The following GPC6 variants were observed in gnomAD, a reference collection of about 807,000 sequenced individuals.
The protein encoded by GPC6 is glypican 6.
Under a neutral mutation model 55.2 loss-of-function variants are expected in GPC6, and 14 were observed. The ratio of observed to expected loss-of-function variants is 0.25; its 90% CI spans 0.17 to 0.40. The LOEUF (loss-of-function observed/expected upper bound fraction) is 0.40, where lower values mean the gene tolerates loss of function less well. GPC6 is among the 10% of genes least tolerant of loss of function. The probability of loss-of-function intolerance (pLI) is 1.00; values close to 1 mark genes in which losing one functional copy is unlikely to be tolerated. For missense variants in GPC6, 641 were observed against 708.5 expected, an observed-to-expected ratio of 0.90 and a Z score of 1.08; for synonymous variants, 278 against 259.6, an observed-to-expected ratio of 1.07 and a Z score of -0.68.
At chr13:93,326,979 T>G (rs1385366869) in intron 1 of GPC6, among the ~76,000 whole-genome samples, 1 of 152,216 alleles carries the variant, frequency 6.6e-6, no homozygotes, top group Non-Finnish European at 1.5e-5. Flanking sequence ...TTTTCACTGG[T>G]TGATTGCCTC....
At chr13:94,144,189 C>T (rs1217797108) in intron 4 of GPC6, among the ~76,000 whole-genome samples, 1 of 152,046 alleles carries the variant, frequency 6.6e-6, no homozygotes, top group South Asian at 2.1e-4. Context: ...CAGCAGCAAG[C>T]AAGTACCTGT....
chr13:93,767,285 T>G (rs758895484), intron 2 of GPC6, among the ~76,000 whole-genome samples: 5 of 152,140 alleles, frequency 3.3e-5, no homozygotes, highest in South Asian at 2.1e-4. Context: ...CAACAAGTGC[T>G]CCACCAGAAA....
intron 1 of GPC6, 149 bp from the exon 2 acceptor site, chr13:93,545,114 C>A: frequency 1.4e-6 from 1 of 707,086 alleles, no homozygotes; most frequent in Non-Finnish European, 2.5e-6. Context: ...CACTGATGTG[C>A]TGTGGCCCAG....
chr13:93,868,557 G>C lies in GPC6; in HGVS notation c.711+38012G>C, dbSNP rs527860770. 1.3e-4 allele frequency among the ~76,000 whole-genome samples: 19 copies of C among 151,892 alleles called. 1 individual carries two copies. In the South Asian group the frequency reaches 3.9e-3, roughly 32 times the overall value. On this transcript the variant is annotated intron_variant, in intron 3 of 8. Transcript: ENST00000377047. ...TATTTTAACTTTGGATATTTATGGA[G>C]AAAAGGAAGGAGTTAACTGGGATAC... is the stretch of plus-strand genomic sequence containing the variant.
rs565361008 is a variant in GPC6 at position 94,067,852 on chromosome 13, C to T, written c.877+39958C>T. On this transcript the variant is annotated intron_variant, in intron 4 of 8. Coordinates refer to ENST00000377047, the MANE Select transcript of GPC6 (RefSeq NM_005708.5). ...CTCATACAATCCTCTGGTTTTCTAG[C>T]CTTAGCAAAAGATAAGGATACTAAT... Among the ~76,000 whole-genome samples, 108 of 152,154 alleles carry T rather than the reference C, an allele frequency of 7.1e-4. 1 individual carries two copies. The highest frequency in any genetic ancestry group is 3.4e-3 in the Middle Eastern group (1 of 294).
At chr13:93,888,498 G>A (rs536997498) in intron 3 of GPC6, among the ~76,000 whole-genome samples, 2 of 152,288 alleles carry the variant, frequency 1.3e-5, no homozygotes, top group South Asian at 2.1e-4. Flanking sequence ...TCTACAATAT[G>A]TAGAGGACAG....
intron 2 of GPC6, among the ~76,000 whole-genome samples, chr13:93,798,779 C>T (rs137878850): frequency 6.6e-6 from 1 of 151,654 alleles, no homozygotes; most frequent in Admixed American, 6.6e-5. Context: ...ATTAGCAGGG[C>T]ATGGTGGTGT....
At chr13:94,206,197 C>T (rs1216174974) in intron 4 of GPC6, among the ~76,000 whole-genome samples, 1 of 152,104 alleles carries the variant, frequency 6.6e-6, no homozygotes. Flanking sequence ...AAAGCTCGAT[C>T]AGGAAAATGG....
At chr13:94,392,068 G>C (rs1040992778) in intron 7 of GPC6, among the ~76,000 whole-genome samples, 9 of 151,934 alleles carry the variant, frequency 5.9e-5, no homozygotes, top group African/African-American at 2.2e-4. Flanking sequence ...TCACCTTTTG[G>C]TTATTATGAA....
intron 1 of GPC6, among the ~76,000 whole-genome samples, chr13:93,320,332 C>T (rs1023046324): frequency 1.4e-4 from 22 of 151,866 alleles, no homozygotes; most frequent in African/African-American, 4.8e-4. Flanking sequence ...CTTTTAACTA[C>T]ATTTTAAAGT....
chr13:93,623,392 C>G (rs556117530), intron 2 of GPC6, among the ~76,000 whole-genome samples: 1 of 151,086 alleles, frequency 6.6e-6, no homozygotes, highest in Non-Finnish European at 1.5e-5. Context: ...CACTCCCACT[C>G]GTGTGTAAGT....
intron 3 of GPC6, among the ~76,000 whole-genome samples, chr13:93,850,407 C>T (rs1888352472): frequency 6.6e-6 from 1 of 151,874 alleles, no homozygotes; most frequent in Non-Finnish European, 1.5e-5. Flanking sequence ...ACAAGCTCAA[C>T]CTATGGGGAC....
chr13:94,399,490 C>A (rs990294078), intron 8 of GPC6, among the ~76,000 whole-genome samples: 1 of 152,118 alleles, frequency 6.6e-6, no homozygotes, highest in Non-Finnish European at 1.5e-5. Flanking sequence ...ATTACCCTTA[C>A]AAAGAGAATT....
At chr13:93,469,205 G>C (rs1879022594) in intron 1 of GPC6, among the ~76,000 whole-genome samples, 1 of 151,882 alleles carries the variant, frequency 6.6e-6, no homozygotes, top group Non-Finnish European at 1.5e-5. Flanking sequence ...CAATAATTTT[G>C]AATGAATTAT....
At chr13:93,986,203 G>A (rs920458877) in intron 3 of GPC6, among the ~76,000 whole-genome samples, 12 of 152,174 alleles carry the variant, frequency 7.9e-5, no homozygotes, top group South Asian at 2.1e-4. Flanking sequence ...TTTAATGCAC[G>A]TAACAACCTC....
chr13:94,151,103 G>A (rs1887723923), intron 4 of GPC6, among the ~76,000 whole-genome samples: 1 of 151,998 alleles, frequency 6.6e-6, no homozygotes, highest in Non-Finnish European at 1.5e-5. Flanking sequence ...AGATAAGTCA[G>A]ACACCAAGAT....
chr13:93,521,195 A>T (rs1881406629), intron 1 of GPC6, among the ~76,000 whole-genome samples: 1 of 151,986 alleles, frequency 6.6e-6, no homozygotes, highest in African/African-American at 2.4e-5. Flanking sequence ...GAATCTGTTG[A>T]GATAATTTAT....
chr13:93,596,586 G>A (rs1315450847), intron 2 of GPC6, among the ~76,000 whole-genome samples: 6 of 138,224 alleles, frequency 4.3e-5, no homozygotes, highest in Non-Finnish European at 7.5e-5. Flanking sequence ...CCAAAAGGAT[G>A]TGAAATAAAT....
chr13:94,142,021 T>C (rs1887396402), intron 4 of GPC6, among the ~76,000 whole-genome samples: 1 of 152,124 alleles, frequency 6.6e-6, no homozygotes, highest in Admixed American at 6.5e-5. Context: ...TGATTCTGTA[T>C]CCTCTTTCTG....
Sources: gnomAD v4.1 joint callset for allele counts (sites outside exome capture counted in the v4.1 genomes callset) on GRCh38, gnomAD v4.1.1 for gene constraint, MANE v1.5 for transcripts, NCBI Gene and HGNC (gene_info 2026-07-23, HGNC 2026-07-21) for gene names.